The following SIPA1L2 variants were observed in gnomAD, a reference collection of about 807,000 sequenced individuals.
The protein encoded by SIPA1L2 is signal-induced proliferation-associated 1-like protein 2.
Under a neutral mutation model 163.9 loss-of-function variants are expected in SIPA1L2, and 56 were observed. The observed-to-expected ratio is 0.34, with a 90% CI of 0.28 to 0.43. The LOEUF is 0.43. Among genes scored for constraint, SIPA1L2 ranks in the 20% least tolerant of loss-of-function variants. The pLI is 1.00. For synonymous variants in SIPA1L2, 877 were observed against 865.7 expected (o/e 1.01, Z -0.23); for missense variants, 1,974 against 2,193.5 (o/e 0.90, Z 2.00).
At chr1:232,478,763 A>C (rs1342119329) in intron 7 of SIPA1L2, among the ~76,000 whole-genome samples, 2 of 152,118 alleles carry the variant, frequency 1.3e-5, no homozygotes, top group African/African-American at 4.8e-5. Flanking sequence ...AGATCCTAGT[A>C]ATTCACAAAC....
At chr1:232,624,778 A>G (rs888064884) in intron 1 of SIPA1L2, among the ~76,000 whole-genome samples, 1 of 152,238 alleles carries the variant, frequency 6.6e-6, no homozygotes, top group Non-Finnish European at 1.5e-5. Flanking sequence ...CTAAATGTTT[A>G]TTAGTAAAAT....
At chr1:232,568,440 G>C (rs773405198) in intron 2 of SIPA1L2, among the ~76,000 whole-genome samples, 1 of 152,238 alleles carries the variant, frequency 6.6e-6, no homozygotes, top group African/African-American at 2.4e-5. Flanking sequence ...TTTGTTGACT[G>C]TTGTGGTATG....
At chr1:232,406,369 G>A (rs1391212474) in intron 19 of SIPA1L2, among the ~76,000 whole-genome samples, 1 of 152,196 alleles carries the variant, frequency 6.6e-6, no homozygotes, top group East Asian at 1.9e-4. Context: ...AAGGTGGAAC[G>A]CTGGGCATGG....
intron 2 of SIPA1L2, among the ~76,000 whole-genome samples, chr1:232,538,624 T>A (rs1657453999): frequency 6.6e-6 from 1 of 152,092 alleles, no homozygotes; most frequent in African/African-American, 2.4e-5. Flanking sequence ...AATGCTGCCA[T>A]CTCTATGCTA....
intron 2 of SIPA1L2, chr1:232,561,377 A>T (rs773573299): frequency 2.0e-5 from 3 of 152,242 alleles, no homozygotes; most frequent in Non-Finnish European, 2.9e-5. Context: ...GGACATTCTC[A>T]TGCCAGATTC....
intron 3 of SIPA1L2, among the ~76,000 whole-genome samples, chr1:232,510,009 T>C (rs1245396667): frequency 2.0e-5 from 3 of 152,128 alleles, no homozygotes; most frequent in South Asian, 2.1e-4. Flanking sequence ...ACGGATTGCC[T>C]CCCCACTCCC....
chr1:232,510,260 AT>A (rs1307684958), intron 3 of SIPA1L2, among the ~76,000 whole-genome samples: 2 of 152,060 alleles, frequency 1.3e-5, no homozygotes, highest in African/African-American at 4.8e-5. Context: ...ATAAAGATAT[AT>A]ATCTAGGATT....
In SIPA1L2 at chr1:232,465,674, T is replaced by C. The variant is rs568463300; in HGVS notation, c.2244-258A>G. 9.9e-5 allele frequency among the ~76,000 whole-genome samples: 15 copies of C among 152,024 alleles called. No individual in the cohort carries two copies. The highest frequency in any genetic ancestry group is 6.2e-4 in the South Asian group (3 of 4,812). ...CTTTAAACTTAGTAGACAGGAGGTGTAATGGGCTGAATTATGTCCCTCTCA... is the reference window on the plus strand; with the variant it reads ...CTTTAAACTTAGTAGACAGGAGGTGCAATGGGCTGAATTATGTCCCTCTCA... On this transcript the variant is annotated intron_variant, in intron 8 of 22. Coordinates refer to ENST00000674635, the MANE Select transcript of SIPA1L2 (RefSeq NM_020808.5). This position sits in a 1 kb window ranked among gnomAD's most constrained non-coding sequence, Gnocchi z 4.1.
chr1:232,406,377 T>G (rs988328638), intron 19 of SIPA1L2, among the ~76,000 whole-genome samples: 10 of 152,224 alleles, frequency 6.6e-5, no homozygotes, highest in African/African-American at 2.4e-4. Flanking sequence ...ACGCTGGGCA[T>G]GGCTGACACA....
intron 2 of SIPA1L2, among the ~76,000 whole-genome samples, chr1:232,545,422 T>C (rs1362347209): frequency 6.6e-6 from 1 of 152,238 alleles, no homozygotes; most frequent in Non-Finnish European, 1.5e-5. Context: ...AGAAGAACCA[T>C]GGTTGGCTTG....
At chr1:232,438,743 G>A (rs916664235) in intron 15 of SIPA1L2, among the ~76,000 whole-genome samples, 34 of 152,322 alleles carry the variant, frequency 2.2e-4, no homozygotes, top group Admixed American at 1.8e-3. Context: ...TGCCTTCATG[G>A]CTTCCTACTA....
At chr1:232,540,079 G>T (rs1657552729) in intron 2 of SIPA1L2, among the ~76,000 whole-genome samples, 1 of 152,100 alleles carries the variant, frequency 6.6e-6, no homozygotes. Context: ...CGAGGTGGGT[G>T]GATCATAAGA....
At position 232,490,911 on chromosome 1, in the gene SIPA1L2, T is replaced by G; in HGVS notation, c.1769A>C (p.Lys590Thr). 1.9e-6 allele frequency: 3 copies of G among 1,614,072 alleles called. No individual in the cohort carries two copies. Among genetic ancestry groups the G allele is most frequent in the Non-Finnish European group, 2.5e-6 (3 of 1,179,982 alleles). Residue 590 changes from lysine (K) to threonine (T), a missense_variant, in exon 5 of 23, where the codon AAG (lysine) becomes ACG (threonine). This residue lies in a region of SIPA1L2 where 288 missense variants were observed against 418.9 expected (regional missense o/e 0.69). Coordinates refer to ENST00000674635, the MANE Select transcript of SIPA1L2 (RefSeq NM_020808.5). ...AAGCTTGAGCAGCTGCTCTGAGACC[T>G]TGGGTGAGTTGGAAGCCTGTCGCAA... ...QCLRQASNSP[K>T]VSEQLLKLDE...
chr1:232,565,300 T>C (rs1659340079), intron 2 of SIPA1L2, among the ~76,000 whole-genome samples: 1 of 152,226 alleles, frequency 6.6e-6, no homozygotes, highest in Non-Finnish European at 1.5e-5. Flanking sequence ...TTCCAGGTTT[T>C]TTCACTAAAT....
At chr1:232,570,109 G>T (rs811529) in intron 2 of SIPA1L2, among the ~76,000 whole-genome samples, 6 of 152,200 alleles carry the variant, frequency 3.9e-5, no homozygotes, top group African/African-American at 1.4e-4. Flanking sequence ...AACACAGACC[G>T]CTGTAACACT....
rs1177262652 is a variant in SIPA1L2, at chr1:232,479,683, C to T, written c.2029G>A (p.Glu677Lys). 5 of 1,613,658 alleles carry T rather than the reference C, an allele frequency of 3.1e-6. No homozygotes were observed. The highest frequency in any genetic ancestry group is 1.7e-5 in the Admixed American group (1 of 59,996). ...AGGGTTGACACGTGGAACATGAGTT[C>T]GTAGTCTTTGTATGTGGTATAGAGA... ...HSLYTTYKDY[E>K]LMFHVSTLLP... The change falls in exon 7 of 23, where the codon GAA becomes AAA. Residue 677 changes from glutamate (E) to lysine (K), a missense_variant. Glu to Lys is a moderately conservative substitution (Grantham distance 56, BLOSUM62 1). Coordinates refer to ENST00000674635, the MANE Select transcript of SIPA1L2 (RefSeq NM_020808.5).
chr1:232,529,910 A>G (rs1417824784), intron 2 of SIPA1L2, among the ~76,000 whole-genome samples: 1 of 152,208 alleles, frequency 6.6e-6, no homozygotes, highest in African/African-American at 2.4e-5. Context: ...ATGATGTGTC[A>G]TCAGCAACCT....
intron 1 of SIPA1L2, among the ~76,000 whole-genome samples, chr1:232,620,086 T>C (rs1662721300): frequency 6.6e-6 from 1 of 152,130 alleles, no homozygotes; most frequent in Non-Finnish European, 1.5e-5. Context: ...GGTTTCACCA[T>C]GTTGGTCAGG....
rs376047587 is a variant in SIPA1L2, at chr1:232,425,622, C to T, written c.4597G>A (p.Ala1533Thr). 21 of 1,607,526 alleles carry T rather than the reference C, an allele frequency of 1.3e-5. No homozygotes were observed. Among genetic ancestry groups the T allele is most frequent in the East Asian group, 2.2e-5 (1 of 44,778 alleles). The change falls in exon 18 of 23, where the codon GCC (alanine) becomes ACC (threonine). Residue 1533 changes from alanine (A) to threonine (T), a missense_variant. Around this residue, in one of 3 missense-constraint regions of SIPA1L2, gnomAD observed 1,079 missense variants for 1,150.7 expected, o/e 0.94. Coordinates refer to ENST00000674635, the MANE Select transcript of SIPA1L2 (RefSeq NM_020808.5). ...PPYHSTLPPR[A>T]HPAPSMGSLR... ...CTCCCCATGCTGGGTGCGGGGTGGG[C>T]CCGCGGAGGCAGCGTGCTGTGGTAG...
Sources: gnomAD v4.1 joint callset for allele counts (sites outside exome capture counted in the v4.1 genomes callset) on GRCh38, gnomAD v4.1.1 for gene constraint, gnomAD v4.1.1 regional missense constraint, Gnocchi (gnomAD v3.1) non-coding constraint, MANE v1.5 for transcripts, NCBI Gene and HGNC (gene_info 2026-07-23, HGNC 2026-07-21) for gene names.